MRPL30: variants seen among roughly 807,000 people sequenced by gnomAD.
MRPL30 encodes large ribosomal subunit protein uL30m.
In MRPL30, 10 loss-of-function variants were observed where a neutral mutation model predicts 17.2. That is an observed-to-expected ratio of 0.58 (90% CI 0.36 to 0.99). MRPL30 has a LOEUF of 0.99. MRPL30 is among the 50% of genes least tolerant of loss of function. The probability of loss-of-function intolerance (pLI) is 0.01; values close to 1 mark genes in which losing one functional copy is unlikely to be tolerated. For synonymous variants in MRPL30, 61 were observed against 62.1 expected (o/e 0.98, Z 0.08); for missense variants, 170 against 189.8 (o/e 0.90, Z 0.61).
intron 1 of MRPL30, among the ~76,000 whole-genome samples, chr2:99,182,591 A>T (rs1462884367): frequency 6.6e-6 from 1 of 152,234 alleles, no homozygotes; most frequent in African/African-American, 2.4e-5. Context: ...GTATTCTTTG[A>T]GTCAAACGTG....
chr2:99,185,196 C>T (rs984920838), intron 1 of MRPL30, among the ~76,000 whole-genome samples: 5 of 150,258 alleles, frequency 3.3e-5, no homozygotes, highest in African/African-American at 5.0e-5. Flanking sequence ...CAGTTTCATC[C>T]GGAAACCTTC....
chr2:99,195,604 C>T lies in MRPL30; in HGVS notation c.385C>T (p.Pro129Ser), dbSNP rs1485988065. 1.2e-6 allele frequency: 2 copies of T among 1,609,486 alleles called. No individual in the cohort carries two copies. The highest frequency in any genetic ancestry group is 1.7e-6 in the Non-Finnish European group (2 of 1,179,028). Residue 129 changes from proline to serine, a missense_variant, in exon 6 of 6, where the codon CCA becomes TCA. By Grantham distance (74) the Pro-to-Ser change is moderately conservative. Coordinates refer to ENST00000338148, the MANE Select transcript of MRPL30 (RefSeq NM_145212.4). ...GCCCTTGAAGTTGCCACAAGGACTT[C>T]CAGCAGAGGAGAACATGTCTAACAC... ...IKPLKLPQGL[P>S]AEENMSNTCL...
chr2:99,189,931 A>G (rs1237918613), intron 3 of MRPL30, among the ~76,000 whole-genome samples: 1 of 149,790 alleles, frequency 6.7e-6, no homozygotes, highest in Non-Finnish European at 1.5e-5. Context: ...CTGCCAACCT[A>G]GGCAACATAA....
At chr2:99,190,627 A>G (rs950805608) in intron 3 of MRPL30, among the ~76,000 whole-genome samples, 1 of 152,190 alleles carries the variant, frequency 6.6e-6, no homozygotes, top group South Asian at 2.1e-4. Context: ...TTCCACAACT[A>G]TATTGTCTTA....
intron 3 of MRPL30, among the ~76,000 whole-genome samples, chr2:99,190,622 C>T (rs111984685): frequency 0.011 from 1,634 of 152,296 alleles, 17 homozygotes; most frequent in Middle Eastern, 0.02. Flanking sequence ...ATTCTTTCCA[C>T]AACTATATTG....
chr2:99,181,609 T>C (rs1200003613), intron 1 of MRPL30, among the ~76,000 whole-genome samples: 2 of 152,142 alleles, frequency 1.3e-5, no homozygotes, highest in Non-Finnish European at 2.9e-5. Flanking sequence ...GTTGCTTTTT[T>C]TTTTTTTTAA....
chr2:99,185,624 CAA>C (rs550725103), intron 1 of MRPL30: 1 of 289,044 alleles, frequency 3.5e-6, no homozygotes, highest in Non-Finnish European at 7.1e-6. Flanking sequence ...TACAAACAAG[CAA>C]AAAAAATTCT....
chr2:99,184,237 A>G (rs1019224724), intron 1 of MRPL30, among the ~76,000 whole-genome samples: 1 of 152,164 alleles, frequency 6.6e-6, no homozygotes, highest in Non-Finnish European at 1.5e-5. Context: ...CCTTTCTAGC[A>G]TTACAAAGTG....
In MRPL30 at chr2:99,196,239, G is replaced by A. The variant is rs2093955065; in HGVS notation, c.*534G>A. 1 of 155,154 alleles carries A rather than the reference G, an allele frequency of 6.4e-6. No homozygotes were observed. The highest frequency in any genetic ancestry group is 1.9e-4 in the East Asian group (1 of 5,204). The allele number at this position is 155,154 out of a possible 1,614,324, so 9.6% of individuals were successfully genotyped here. A position where few individuals can be genotyped will look rare whatever the true frequency, so the allele number is the denominator to read the frequency against. ...TAAGAATGGCAATGTTTGAACATCT[G>A]CGTTTGGGTCTACTGCCACCTTAGC... On this transcript the variant is annotated 3_prime_UTR_variant, in exon 6 of 6. Coordinates refer to ENST00000338148, the MANE Select transcript of MRPL30 (RefSeq NM_145212.4).
Position 99,186,129 on chromosome 2 carries a change from A to C in MRPL30, c.-27-48A>C, listed in dbSNP as rs746831233. On this transcript the variant is annotated intron_variant, in intron 1 of 5. Coordinates refer to ENST00000338148, the MANE Select transcript of MRPL30 (RefSeq NM_145212.4). ...ATACTAGAGAAGGGGAAACCTGTTCATTTCCAAGACATAGTTGACTGATGG... is the reference window on the plus strand; with the variant it reads ...ATACTAGAGAAGGGGAAACCTGTTCCTTTCCAAGACATAGTTGACTGATGG... The C allele has an allele frequency of 2.2e-6, 3 of 1,338,566 alleles. No homozygotes were observed. The African/African-American group carries it at 4.4e-5, about 19-fold the overall frequency. The allele number at this position is 1,338,566 out of a possible 1,614,324, so 82.9% of individuals were successfully genotyped here. A position where few individuals can be genotyped will look rare whatever the true frequency, so the allele number is the denominator to read the frequency against.
At chr2:99,195,309 T>G (rs2093953312) in intron 5 of MRPL30, 120 bp downstream of exon 5, 1 of 957,368 alleles carries the variant, frequency 1.0e-6, no homozygotes, top group Non-Finnish European at 1.5e-6. Flanking sequence ...TTTTATTTTG[T>G]TTTTTTTTAA....
At chr2:99,184,575 A>G (rs2093930940) in intron 1 of MRPL30, among the ~76,000 whole-genome samples, 1 of 152,210 alleles carries the variant, frequency 6.6e-6, no homozygotes, top group Non-Finnish European at 1.5e-5. Context: ...GACATGATCT[A>G]AGATTTAATG....
At chr2:99,185,364 G>C (rs894714426) in intron 1 of MRPL30, among the ~76,000 whole-genome samples, 1 of 152,142 alleles carries the variant, frequency 6.6e-6, no homozygotes, top group African/African-American at 2.4e-5. Flanking sequence ...CCACATGCCA[G>C]GTACTGTTTT....
chr2:99,190,477 T>C (rs1240143887), intron 3 of MRPL30, among the ~76,000 whole-genome samples: 1 of 151,750 alleles, frequency 6.6e-6, no homozygotes, highest in Non-Finnish European at 1.5e-5. Flanking sequence ...AGAGGATCAC[T>C]TTAGCAAGAG....
intron 2 of MRPL30, among the ~76,000 whole-genome samples, chr2:99,187,483 C>G (rs773013798): frequency 6.6e-6 from 1 of 152,172 alleles, no homozygotes; most frequent in South Asian, 2.1e-4. Context: ...GGCCTTTAGG[C>G]CAAATTCAGC....
rs2093954471 is a variant in MRPL30, at chr2:99,195,875, A to G, written c.*170A>G. The G allele has an allele frequency of 2.5e-6, 2 of 796,622 alleles. No homozygotes were observed. The highest frequency in any genetic ancestry group is 3.7e-6 in the Non-Finnish European group (2 of 536,176). 49.3% of individuals were successfully genotyped at this position (796,622 alleles called of 1,614,324 possible). A position where few individuals can be genotyped will look rare whatever the true frequency, so the allele number is the denominator to read the frequency against. On this transcript the variant is annotated 3_prime_UTR_variant, in exon 6 of 6. Coordinates refer to ENST00000338148, the MANE Select transcript of MRPL30 (RefSeq NM_145212.4). ...GGCGGGCAGATCACCTGAGGTCAAG[A>G]GTTCGAGACCAGCCTGACCAACATG...
At position 99,197,815 on chromosome 2, in the gene MRPL30, T is replaced by A. The variant is rs764118343; in HGVS notation, c.*2110T>A. On this transcript the variant is annotated 3_prime_UTR_variant, in exon 6 of 6. Transcript: ENST00000338148. ...GCCACCGCTCCCGGCTAGTATTTTT[T>A]AAAATTTTTTGTAGAGCCAAGTGTT... Among the ~76,000 whole-genome samples, 13 of 110,398 alleles carry A rather than the reference T, an allele frequency of 1.2e-4. No individual in the cohort carries two copies. The South Asian group carries it at 1.6e-3, about 13-fold the overall frequency. The allele number at this position is 110,398 out of a possible 152,430, so 72.4% of individuals were successfully genotyped here.
At chr2:99,194,698 C>G in intron 3 of MRPL30, 53 bp from the exon 4 acceptor site, 1 of 1,512,684 alleles carries the variant, frequency 6.6e-7, no homozygotes. Flanking sequence ...ATGGGAGGTA[C>G]ACAGAAACTG....
At chr2:99,183,568 C>CAAA (rs35487170) in intron 1 of MRPL30, among the ~76,000 whole-genome samples, 6 of 131,670 alleles carry the variant, frequency 4.6e-5, no homozygotes, top group South Asian at 2.3e-4. Context: ...GACTCTGTCT[C>CAAA]AAAAAAAAAA....
Sources: allele counts gnomAD v4.1 joint callset (sites outside exome capture counted in the v4.1 genomes callset), GRCh38; gene constraint gnomAD v4.1.1; transcripts MANE v1.5; gene names NCBI Gene and HGNC (gene_info 2026-07-23, HGNC 2026-07-21).